The following TDRD1 variants were observed in gnomAD, a reference collection of about 807,000 sequenced individuals.
The protein encoded by TDRD1 is tudor domain containing 1.
In TDRD1, 37 loss-of-function variants were observed where a neutral mutation model predicts 140.6. The ratio of observed to expected loss-of-function variants is 0.26; its 90% CI spans 0.20 to 0.35. The LOEUF is 0.35. TDRD1 is among the 10% of genes least tolerant of loss of function. TDRD1 has a pLI of 1.00. For missense variants in TDRD1, 1,243 were observed against 1,393.0 expected, an observed-to-expected ratio of 0.89 and a Z score of 1.71; for synonymous variants, 506 against 475.7, an observed-to-expected ratio of 1.06 and a Z score of -0.83.
intron 11 of TDRD1, among the ~76,000 whole-genome samples, chr10:114,209,043 A>G (rs1000321406): frequency 2.6e-5 from 4 of 151,980 alleles, no homozygotes; most frequent in African/African-American, 9.7e-5. Context: ...CGGCCTCCCA[A>G]AGTGCTCTGA....
chr10:114,204,762 G>A (rs1248467092), exon 10 of TDRD1: 1 of 1,598,152 alleles, frequency 6.3e-7, no homozygotes, highest in East Asian at 2.3e-5. Flanking sequence ...CCAGCAGAAG[G>A]GAATTGGAGC....
chr10:114,192,408 A>G (rs1479705442), intron 3 of TDRD1, among the ~76,000 whole-genome samples: 1 of 136,200 alleles, frequency 7.3e-6, no homozygotes, highest in Admixed American at 8.6e-5. Context: ...GGTTTACGCC[A>G]TTTCTCCTGC....
intron 3 of TDRD1, among the ~76,000 whole-genome samples, chr10:114,195,381 T>C (rs959666536): frequency 4.6e-5 from 7 of 152,214 alleles, no homozygotes; most frequent in African/African-American, 1.7e-4. Flanking sequence ...AGTTCTATCC[T>C]CTTGCTGATT....
At chr10:114,177,839 T>TC (rs1001279529), upstream of TDRD1, among the ~76,000 whole-genome samples, 8 of 149,480 alleles carry the variant, frequency 5.4e-5, no homozygotes, top group South Asian at 6.5e-4. Context: ...TTTTTCTTTT[T>TC]TTTTTTTTTT....
chr10:114,180,963 G>A (rs1031318819), intron 1 of TDRD1, among the ~76,000 whole-genome samples: 3 of 152,042 alleles, frequency 2.0e-5, no homozygotes, highest in African/African-American at 7.2e-5. Flanking sequence ...GTGTATCTTA[G>A]GAAGCCCCCA....
At chr10:114,227,722 T>C (rs778572866) in intron 23 of TDRD1, among the ~76,000 whole-genome samples, 188 bp from the exon 24 acceptor site, 10 of 152,176 alleles carry the variant, frequency 6.6e-5, no homozygotes, top group Non-Finnish European at 1.3e-4. Flanking sequence ...CTTGGAGACA[T>C]GGGTTGTTAA....
chr10:114,231,037 A>T (rs1009773927), intron 25 of TDRD1, among the ~76,000 whole-genome samples: 1 of 152,228 alleles, frequency 6.6e-6, no homozygotes, highest in Non-Finnish European at 1.5e-5. Context: ...ACTGCACTCC[A>T]GCTTGGGCAA....
chr10:114,228,516 T>C (rs1241208689), intron 25 of TDRD1: 1 of 994,438 alleles, frequency 1.0e-6, no homozygotes, highest in Non-Finnish European at 1.2e-6. Context: ...TGTAAATATG[T>C]TTAGCACTTT....
intron 4 of TDRD1, 130 bp downstream of exon 4, chr10:114,199,447 C>T: frequency 2.8e-6 from 3 of 1,082,238 alleles, no homozygotes; most frequent in Non-Finnish European, 3.8e-6. Flanking sequence ...GTCTCAGCCT[C>T]AGCAGCTGTC....
rs1415476011 is a variant in TDRD1, at chr10:114,220,826, A to T, written c.2753A>T (p.His918Leu). 3.7e-6 allele frequency: 6 copies of T among 1,610,236 alleles called. No individual in the cohort carries two copies. In the South Asian group the frequency reaches 5.5e-5, roughly 15 times the overall value. The change falls in exon 19 of 26, where the codon CAT becomes CTT. Residue 918 changes from histidine to leucine, a missense_variant. This residue lies in a region of TDRD1 where 601 missense variants were observed against 734.7 expected (regional missense o/e 0.82). Coordinates refer to ENST00000251864, the Ensembl canonical transcript of TDRD1. ...GTTAATAAACATGAGCTTCAAGTTC[A>T]TGTACAGGGACTTCAAGGTAACATT... is the stretch of plus-strand genomic sequence containing the variant.
At chr10:114,178,127 G>A (rs1381005293), upstream of TDRD1, among the ~76,000 whole-genome samples, 4 of 152,114 alleles carry the variant, frequency 2.6e-5, no homozygotes, top group Non-Finnish European at 5.9e-5. Flanking sequence ...ACAGGCATGA[G>A]CCCCCACGCC....
At chr10:114,232,329 G>A (rs920240393), downstream of TDRD1, 16 of 150,924 alleles carry the variant, frequency 1.1e-4, no homozygotes, top group African/African-American at 3.9e-4. Context: ...AACGAAGAGT[G>A]TATATTTTTC....
In TDRD1 at chr10:114,187,723, A is replaced by G. The variant is rs185767591; in HGVS notation, c.-6-103A>G. ...TCTGCTTTGGAATTGTTTTATAGGC[A>G]TTATCTGTTACGTAAATATATTTGG... is the stretch of plus-strand genomic sequence containing the variant. On this transcript the variant is annotated intron_variant, in intron 1 of 25. Coordinates refer to ENST00000251864, the Ensembl canonical transcript of TDRD1. The G allele has an allele frequency of 6.4e-5, 69 of 1,075,336 alleles. No individual in the cohort carries two copies. In the African/African-American group the frequency reaches 1.0e-3, roughly 16 times the overall value. 66.6% of individuals were successfully genotyped at this position (1,075,336 alleles called of 1,614,324 possible).
At chr10:114,218,327 G>T in intron 17 of TDRD1, 87 bp from the exon 18 acceptor site, 2 of 985,770 alleles carry the variant, frequency 2.0e-6, no homozygotes, top group Non-Finnish European at 2.8e-6. Context: ...CCTACTTTTA[G>T]ACAAAGGGTG....
intron 3 of TDRD1, among the ~76,000 whole-genome samples, chr10:114,196,648 G>A (rs2034370964): frequency 6.6e-6 from 1 of 151,550 alleles, no homozygotes; most frequent in Non-Finnish European, 1.5e-5. Context: ...CTTAATAGAA[G>A]GAATTTTAAA....
chr10:114,193,176 T>A (rs2034103847), intron 3 of TDRD1, among the ~76,000 whole-genome samples: 1 of 152,170 alleles, frequency 6.6e-6, no homozygotes, highest in South Asian at 2.1e-4. Context: ...AGTATTTGAT[T>A]TTTTTGAGTA....
chr10:114,222,060 T>C (rs1438759013), intron 20 of TDRD1, among the ~76,000 whole-genome samples: 1 of 152,168 alleles, frequency 6.6e-6, no homozygotes, highest in Non-Finnish European at 1.5e-5. Flanking sequence ...GCTGAAAAAA[T>C]GAAACTTTTG....
intron 4 of TDRD1, 125 bp from the exon 5 acceptor site, chr10:114,201,285 C>T: frequency 1.4e-6 from 1 of 717,768 alleles, no homozygotes; most frequent in Non-Finnish European, 2.4e-6. Flanking sequence ...AAAGTATAAT[C>T]TGAACACCTG....
chr10:114,220,170 A>G (rs536031165), intron 18 of TDRD1, among the ~76,000 whole-genome samples: 3 of 152,370 alleles, frequency 2.0e-5, no homozygotes, highest in Non-Finnish European at 4.4e-5. Flanking sequence ...TTTTGCTTAC[A>G]TAATGAAAAA....
Sources: allele counts gnomAD v4.1 joint callset (sites outside exome capture counted in the v4.1 genomes callset), GRCh38; gene constraint gnomAD v4.1.1; regional missense constraint gnomAD v4.1.1; transcripts MANE v1.5; gene names NCBI Gene and HGNC (gene_info 2026-07-23, HGNC 2026-07-21).